ZFAT: variants seen among roughly 807,000 people sequenced by gnomAD.
The protein encoded by ZFAT is zinc finger protein ZFAT.
Under a neutral mutation model 117.7 loss-of-function variants are expected in ZFAT, and 64 were observed. The observed-to-expected ratio is 0.54, with a 90% confidence interval of 0.44 to 0.67. The LOEUF (loss-of-function observed/expected upper bound fraction) is 0.67. Among genes scored for constraint, ZFAT ranks in the 30% least tolerant of loss-of-function variants. ZFAT has a pLI of 0.00. For missense variants in ZFAT, 1,433 were observed against 1,584.5 expected (o/e 0.90, Z 1.62); for synonymous variants, 679 against 615.0 (o/e 1.10, Z -1.54).
chr8:134,744,474 T>G, the ZFAT span, among the ~76,000 whole-genome samples: 1 of 151,456 alleles, frequency 6.6e-6, no homozygotes. Context: ...TTTTGTATTT[T>G]TAGTAGAGAT....
At chr8:134,482,352 C>A (rs1817373889) in intron 15 of ZFAT, among the ~76,000 whole-genome samples, 1 of 152,176 alleles carries the variant, frequency 6.6e-6, no homozygotes, top group African/African-American at 2.4e-5. Context: ...CAGATGAGGC[C>A]TGAAACGAAG....
chr8:134,635,143 T>A (rs1475143602), intron 3 of ZFAT, among the ~76,000 whole-genome samples: 2 of 152,096 alleles, frequency 1.3e-5, no homozygotes, highest in African/African-American at 4.8e-5. Context: ...CGTACAAACC[T>A]GCGGCCCAGG....
chr8:134,768,908 C>T, the ZFAT span, among the ~76,000 whole-genome samples: 2 of 152,188 alleles, frequency 1.3e-5, no homozygotes, highest in Non-Finnish European at 2.9e-5. Context: ...CATAGTGGCT[C>T]AGGCCTGTAA....
At chr8:134,573,244 G>A (rs1259553203) in intron 10 of ZFAT, among the ~76,000 whole-genome samples, 1 of 152,052 alleles carries the variant, frequency 6.6e-6, no homozygotes, top group Non-Finnish European at 1.5e-5. Context: ...GTGCGTGTAT[G>A]TGTGCATGTG....
chr8:134,537,461 C>T (rs925374374), intron 11 of ZFAT, among the ~76,000 whole-genome samples: 5 of 152,182 alleles, frequency 3.3e-5, no homozygotes, highest in East Asian at 1.9e-4. Context: ...ACCGAGGAAT[C>T]GCACAGTGGA....
chr8:134,613,337 CGGATAAACTGTGTCT>C (rs1007369126), intron 3 of ZFAT, among the ~76,000 whole-genome samples: 54 of 152,140 alleles, frequency 3.5e-4, no homozygotes, highest in African/African-American at 1.3e-3. Context: ...CGCTCTGCAA[CGGATAAACTGTGTCT>C]GGATAAACCG....
chr8:134,684,867 T>C (rs972140419), intron 1 of ZFAT, among the ~76,000 whole-genome samples: 1 of 151,094 alleles, frequency 6.6e-6, no homozygotes, highest in Non-Finnish European at 1.5e-5. Context: ...GTGCGAGGAG[T>C]GCCCAGGTGA....
At chr8:134,704,354 T>G (rs535362443) in intron 1 of ZFAT, among the ~76,000 whole-genome samples, 5 of 152,174 alleles carry the variant, frequency 3.3e-5, no homozygotes, top group Non-Finnish European at 7.3e-5. Context: ...CTGCAGAGTT[T>G]TCATGTCCCT....
intron 10 of ZFAT, among the ~76,000 whole-genome samples, chr8:134,575,355 G>A (rs1428603001): frequency 6.6e-6 from 1 of 152,216 alleles, no homozygotes; most frequent in East Asian, 1.9e-4. Context: ...GAGGCTTAAA[G>A]TCAGAGAAGG....
the ZFAT span, among the ~76,000 whole-genome samples, chr8:134,734,283 G>A: frequency 5.3e-4 from 81 of 152,300 alleles, no homozygotes; most frequent in African/African-American, 1.7e-3. Flanking sequence ...TGCCACTTCC[G>A]GCGGCTCCTG....
intron 9 of ZFAT, among the ~76,000 whole-genome samples, chr8:134,584,590 C>T (rs1281604794): frequency 6.6e-6 from 1 of 152,232 alleles, no homozygotes; most frequent in Non-Finnish European, 1.5e-5. Flanking sequence ...GGTTGATGGG[C>T]TGTTGACTCT....
intron 8 of ZFAT, among the ~76,000 whole-genome samples, chr8:134,588,951 T>C (rs894360): frequency 0.36 from 54,576 of 152,048 alleles, 10,641 homozygotes; most frequent in East Asian, 0.53. Context: ...ATTTTAAACG[T>C]TTTTATGGAG....
intron 1 of ZFAT, among the ~76,000 whole-genome samples, chr8:134,698,418 G>A (rs984912698): frequency 2.6e-5 from 4 of 152,188 alleles, no homozygotes; most frequent in South Asian, 4.2e-4. Context: ...AAGAGGCAGC[G>A]GGGGAACCTG....
At chr8:134,570,205 T>G (rs1340131421) in intron 10 of ZFAT, among the ~76,000 whole-genome samples, 5 of 152,190 alleles carry the variant, frequency 3.3e-5, no homozygotes, top group African/African-American at 1.2e-4. Flanking sequence ...AAGTCTCTGT[T>G]CAAATGTCAC....
the ZFAT span, among the ~76,000 whole-genome samples, chr8:134,816,651 G>C: frequency 6.6e-6 from 1 of 152,050 alleles, no homozygotes; most frequent in Non-Finnish European, 1.5e-5. Context: ...TTTTTAAAAA[G>C]CAATAGTGAA....
At chr8:134,693,205 T>C (rs922965451) in intron 1 of ZFAT, among the ~76,000 whole-genome samples, 2 of 152,130 alleles carry the variant, frequency 1.3e-5, no homozygotes, top group East Asian at 3.9e-4. Flanking sequence ...CAGGTCTCCT[T>C]GTAGAAATAG....
intron 1 of ZFAT, among the ~76,000 whole-genome samples, chr8:134,700,820 C>T (rs1230635939): frequency 6.6e-6 from 1 of 152,182 alleles, no homozygotes; most frequent in Non-Finnish European, 1.5e-5. Context: ...CACTGATCCC[C>T]CTACTCTACC....
At chr8:134,738,973 G>C in the ZFAT span, among the ~76,000 whole-genome samples, 1 of 152,206 alleles carries the variant, frequency 6.6e-6, no homozygotes, top group Non-Finnish European at 1.5e-5. Flanking sequence ...TGAGGCTGCT[G>C]AGAGTCACCC....
intron 1 of ZFAT, among the ~76,000 whole-genome samples, chr8:134,704,092 G>A (rs578007990): frequency 2.1e-4 from 32 of 152,246 alleles, no homozygotes; most frequent in African/African-American, 7.7e-4. Context: ...CTGTTAGACA[G>A]CAGGACCAGG....
Sources: allele counts gnomAD v4.1 joint callset (sites outside exome capture counted in the v4.1 genomes callset), GRCh38; gene constraint gnomAD v4.1.1; transcripts MANE v1.5; gene names NCBI Gene and HGNC (gene_info 2026-07-23, HGNC 2026-07-21).